ABCA13: variants seen among roughly 807,000 people sequenced by gnomAD.
The protein encoded by ABCA13 is ATP-binding cassette sub-family A member 13.
Under a neutral mutation model 478.7 loss-of-function variants are expected in ABCA13, and 476 were observed. The ratio of observed to expected loss-of-function variants is 0.99; its 90% CI spans 0.92 to 1.07. ABCA13 has a LOEUF of 1.07. Among genes scored for constraint, ABCA13 ranks in the 50% least tolerant of loss-of-function variants. The pLI is 0.00. For synonymous variants in ABCA13, 2,252 were observed against 2,158.9 expected, an observed-to-expected ratio of 1.04 and a Z score of -1.20; for missense variants, 6,060 against 5,910.6, an observed-to-expected ratio of 1.03 and a Z score of -0.83.
chr7:48,402,636 A>C (rs1020250885), intron 38 of ABCA13, among the ~76,000 whole-genome samples: 1 of 152,210 alleles, frequency 6.6e-6, no homozygotes, highest in Non-Finnish European at 1.5e-5. Flanking sequence ...GATGGGAAGT[A>C]TTTACATTAA....
chr7:48,179,643 G>T (rs1374046088), intron 1 of ABCA13, among the ~76,000 whole-genome samples: 2 of 152,074 alleles, frequency 1.3e-5, no homozygotes, highest in African/African-American at 4.8e-5. Context: ...CAGGAGGCAC[G>T]GTGCTCTGTC....
At chr7:48,404,117 G>C (rs757149355) in intron 39 of ABCA13, 2 of 496,432 alleles carry the variant, frequency 4.0e-6, no homozygotes, top group Non-Finnish European at 7.7e-6. Flanking sequence ...TGACATCTAT[G>C]TACATTATAC....
At chr7:48,637,752 T>A (rs183103427) in intron 59 of ABCA13, among the ~76,000 whole-genome samples, 33 of 152,256 alleles carry the variant, frequency 2.2e-4, no homozygotes, top group African/African-American at 7.0e-4. Flanking sequence ...TTTAAAATGA[T>A]CCCCTTTGGT....
intron 45 of ABCA13, among the ~76,000 whole-genome samples, chr7:48,480,488 A>C (rs1258117365): frequency 6.6e-6 from 1 of 151,916 alleles, no homozygotes; most frequent in African/African-American, 2.4e-5. Flanking sequence ...GTGGCAGGGC[A>C]GAGCACATCA....
intron 59 of ABCA13, among the ~76,000 whole-genome samples, chr7:48,621,056 C>A (rs1793081419): frequency 6.6e-6 from 1 of 152,116 alleles, no homozygotes; most frequent in Admixed American, 6.6e-5. Flanking sequence ...CTAAATACAT[C>A]CCTACCCCAC....
chr7:48,372,979 A>G (rs1052084444), intron 33 of ABCA13, among the ~76,000 whole-genome samples: 1 of 152,212 alleles, frequency 6.6e-6, no homozygotes, highest in African/African-American at 2.4e-5. Flanking sequence ...TGTAACATCA[A>G]ATACGTAGAA....
At chr7:48,571,180 G>A (rs75617418) in intron 55 of ABCA13, among the ~76,000 whole-genome samples, 8,277 of 152,076 alleles carry the variant, frequency 0.054, 253 homozygotes, top group South Asian at 0.086. Context: ...TTCTATTATG[G>A]AAATGCATTT....
At chr7:48,250,869 C>CA (rs1197830231) in intron 15 of ABCA13, among the ~76,000 whole-genome samples, 1 of 152,178 alleles carries the variant, frequency 6.6e-6, no homozygotes, top group Admixed American at 6.5e-5. Flanking sequence ...ACTGCTCCAT[C>CA]ACAGTGGGGT....
intron 1 of ABCA13, 145 bp from the exon 2 acceptor site, chr7:48,192,814 A>G: frequency 1.6e-6 from 1 of 632,252 alleles, no homozygotes; most frequent in Non-Finnish European, 2.7e-6. Flanking sequence ...ATGATAAATG[A>G]ACTAGGCCTT....
intron 57 of ABCA13, among the ~76,000 whole-genome samples, chr7:48,591,416 C>G (rs1789731368): frequency 6.6e-6 from 1 of 151,872 alleles, no homozygotes; most frequent in South Asian, 2.1e-4. Context: ...TGTGAGGCCT[C>G]CAGCACCATT....
At chr7:48,618,475 C>G (rs1197861528) in intron 59 of ABCA13, among the ~76,000 whole-genome samples, 4 of 151,886 alleles carry the variant, frequency 2.6e-5, no homozygotes, top group African/African-American at 9.7e-5. Context: ...ACAATAAGGC[C>G]AATAGATCAG....
intron 27 of ABCA13, among the ~76,000 whole-genome samples, chr7:48,330,277 A>G (rs1189962981): frequency 5.6e-5 from 8 of 144,104 alleles, no homozygotes; most frequent in African/African-American, 2.1e-4. Flanking sequence ...ATCCATCCAC[A>G]CATCTATCTG....
chr7:48,576,439 C>A (rs1337444722), intron 55 of ABCA13, among the ~76,000 whole-genome samples: 1 of 152,150 alleles, frequency 6.6e-6, no homozygotes, highest in East Asian at 1.9e-4. Context: ...AAAATCCTTT[C>A]GTGCTTTCAG....
chr7:48,204,915 C>A (rs952962740), intron 3 of ABCA13, among the ~76,000 whole-genome samples: 1 of 152,178 alleles, frequency 6.6e-6, no homozygotes, highest in Non-Finnish European at 1.5e-5. Context: ...ACGATCCAAG[C>A]TCCTGAGCCC....
Position 48,210,628 on chromosome 7 carries a change from T to C in ABCA13, c.288-8726T>C, listed in dbSNP as rs567796738. Among the ~76,000 whole-genome samples, 20 of 152,260 alleles carry C rather than the reference T, an allele frequency of 1.3e-4. 1 individual carries two copies. The highest frequency in any genetic ancestry group is 1.2e-3 in the Admixed American group (18 of 15,290). ...TAATTCAGGGGCATATTGTTCACTA[T>C]TTCTGTGTTTTTACAACTTGCAAAG... On this transcript the variant is annotated intron_variant, in intron 3 of 61. Coordinates refer to ENST00000435803, the MANE Select transcript of ABCA13 (RefSeq NM_152701.5).
At chr7:48,315,671 G>A (rs1584800703) in intron 26 of ABCA13, among the ~76,000 whole-genome samples, 1 of 151,902 alleles carries the variant, frequency 6.6e-6, no homozygotes, top group African/African-American at 2.4e-5. Flanking sequence ...GTAGAGACGG[G>A]GTTTCACCGT....
At chr7:48,338,683 G>A (rs1437961662) in intron 29 of ABCA13, among the ~76,000 whole-genome samples, 1 of 152,186 alleles carries the variant, frequency 6.6e-6, no homozygotes, top group African/African-American at 2.4e-5. Context: ...GACTTAACTA[G>A]TAAAGAACCT....
At chr7:48,210,327 C>G (rs1051192364) in intron 3 of ABCA13, among the ~76,000 whole-genome samples, 1 of 152,126 alleles carries the variant, frequency 6.6e-6, no homozygotes, top group African/African-American at 2.4e-5. Context: ...ATCTAATTAC[C>G]TCCCATGAAG....
chr7:48,574,370 G>A (rs914476122), intron 55 of ABCA13, among the ~76,000 whole-genome samples: 8 of 152,146 alleles, frequency 5.3e-5, no homozygotes, highest in African/African-American at 1.7e-4. Context: ...TGAAAGCCAC[G>A]TTCATTTGCC....
Sources: allele counts gnomAD v4.1 joint callset (sites outside exome capture counted in the v4.1 genomes callset), GRCh38; gene constraint gnomAD v4.1.1; transcripts MANE v1.5; gene names NCBI Gene and HGNC (gene_info 2026-07-23, HGNC 2026-07-21).